Variants in DCC observed in about 807,000 individuals in gnomAD.
DCC encodes DCC netrin 1 receptor.
A neutral mutation model predicts 172.5 loss-of-function variants in DCC; 58 were observed. That is an observed-to-expected ratio of 0.34 (90% confidence interval 0.27 to 0.42). The LOEUF is 0.42. Among genes scored for constraint, DCC ranks in the 10% least tolerant of loss-of-function variants. DCC has a pLI of 1.00. For missense variants in DCC, 1,740 were observed against 1,791.0 expected, an observed-to-expected ratio of 0.97 and a Z score of 0.51; for synonymous variants, 709 against 644.5, an observed-to-expected ratio of 1.10 and a Z score of -1.52.
chr18:53,104,524 ACTT>A (rs560444142), intron 7 of DCC, among the ~76,000 whole-genome samples: 27 of 151,838 alleles, frequency 1.8e-4, no homozygotes, highest in African/African-American at 2.4e-4. Context: ...GTCCATTAAA[ACTT>A]CTTCTTCTTC....
chr18:53,490,585 C>G (rs935837855), intron 26 of DCC, among the ~76,000 whole-genome samples: 1 of 152,128 alleles, frequency 6.6e-6, no homozygotes, highest in African/African-American at 2.4e-5. Context: ...GTATTTGATT[C>G]TCACTCGATA....
chr18:52,583,017 T>G (rs985686593), intron 1 of DCC, among the ~76,000 whole-genome samples: 1 of 152,154 alleles, frequency 6.6e-6, no homozygotes, highest in East Asian at 1.9e-4. Context: ...GCAAAAATTA[T>G]AGAGTATCTG....
At chr18:52,951,224 A>G (rs1343479620) in intron 5 of DCC, among the ~76,000 whole-genome samples, 2 of 152,096 alleles carry the variant, frequency 1.3e-5, no homozygotes, top group Non-Finnish European at 2.9e-5. Flanking sequence ...CTAGTCCAGA[A>G]TTTCTGTTAC....
chr18:52,799,405 G>T (rs1341571471), intron 2 of DCC, among the ~76,000 whole-genome samples: 2 of 152,038 alleles, frequency 1.3e-5, no homozygotes, highest in Non-Finnish European at 2.9e-5. Flanking sequence ...ATTGCTCATG[G>T]GTATACATGT....
At chr18:53,203,893 T>A (rs1444852538) in intron 9 of DCC, among the ~76,000 whole-genome samples, 1 of 152,176 alleles carries the variant, frequency 6.6e-6, no homozygotes, top group East Asian at 1.9e-4. Context: ...ACAAGCTATA[T>A]ACAGGTCCAT....
chr18:52,434,805 C>T (rs772261004), intron 1 of DCC, among the ~76,000 whole-genome samples: 8 of 152,036 alleles, frequency 5.3e-5, no homozygotes, highest in Non-Finnish European at 1.0e-4. Context: ...AGTCACTGCC[C>T]CACACCTCCC....
At chr18:53,367,088 A>G (rs2058013819) in intron 15 of DCC, among the ~76,000 whole-genome samples, 1 of 152,210 alleles carries the variant, frequency 6.6e-6, no homozygotes, top group Admixed American at 6.5e-5. Context: ...TATTGCACAC[A>G]AGAATGGACA....
At chr18:52,864,967 G>A (rs1477647171) in intron 2 of DCC, among the ~76,000 whole-genome samples, 3 of 151,958 alleles carry the variant, frequency 2.0e-5, no homozygotes, top group Non-Finnish European at 4.4e-5. Flanking sequence ...CCAGGTTCAC[G>A]CCATTCTCCT....
chr18:53,194,417 C>G (rs2055413122), intron 9 of DCC, among the ~76,000 whole-genome samples: 1 of 151,748 alleles, frequency 6.6e-6, no homozygotes, highest in Non-Finnish European at 1.5e-5. Context: ...CTATCAGGGA[C>G]TCTGTTGGCC....
intron 1 of DCC, among the ~76,000 whole-genome samples, chr18:52,653,940 T>C (rs2035193984): frequency 6.6e-6 from 1 of 152,200 alleles, no homozygotes; most frequent in South Asian, 2.1e-4. Context: ...TATTTATTCT[T>C]TCTTGGTGAT....
At chr18:53,358,714 G>T (rs978986844) in intron 15 of DCC, among the ~76,000 whole-genome samples, 6 of 151,558 alleles carry the variant, frequency 4.0e-5, no homozygotes, top group African/African-American at 1.5e-4. Context: ...TAAAGATGAG[G>T]TTTCACCATG....
At chr18:52,362,544 C>G (rs1568133031) in intron 1 of DCC, among the ~76,000 whole-genome samples, 1 of 152,062 alleles carries the variant, frequency 6.6e-6, no homozygotes, top group Admixed American at 6.5e-5. Context: ...AATTTGAATG[C>G]TATAATAGAT....
rs76913392 is a variant in DCC at position 53,230,003 on chromosome 18, C to G, written c.1911+14406C>G. On this transcript the variant is annotated intron_variant, in intron 12 of 28. Transcript: ENST00000442544. ...ACCTGGCTATCTTGTTTTGCAAGCTCCTTTACATGAAGATGATTACAAAGA... is the reference window on the plus strand; with the variant it reads ...ACCTGGCTATCTTGTTTTGCAAGCTGCTTTACATGAAGATGATTACAAAGA... Among the ~76,000 whole-genome samples the G allele has an allele frequency of 5.7e-3, 872 of 152,146 alleles. 9 individuals are homozygous for G. The highest frequency in any genetic ancestry group is 0.02 in the African/African-American group (818 of 41,542).
chr18:53,114,611 T>G (rs1051104292), intron 7 of DCC, among the ~76,000 whole-genome samples: 6 of 151,532 alleles, frequency 4.0e-5, no homozygotes, highest in South Asian at 2.1e-4. Flanking sequence ...ACCAAGCCCA[T>G]GAGCCCACAA....
rs1023341823 is a variant in DCC at position 53,207,550 on chromosome 18, A to T, written c.1723-129A>T. On this transcript the variant is annotated intron_variant, in intron 10 of 28. Coordinates refer to ENST00000442544, the MANE Select transcript of DCC (RefSeq NM_005215.4). Reference sequence around the variant, plus strand: ...GAGTCTGTGTCACAAGGTAGGTTTTATAGCTCATTAGAAGGCTGGAGTGTA... The same window carrying T: ...GAGTCTGTGTCACAAGGTAGGTTTTTTAGCTCATTAGAAGGCTGGAGTGTA... 6.8e-6 allele frequency: 6 copies of T among 878,892 alleles called. No individual in the cohort carries two copies. The Admixed American group carries it at 1.2e-4, about 17-fold the overall frequency. 54.4% of individuals were successfully genotyped at this position (878,892 alleles called of 1,614,324 possible).
chr18:53,357,853 T>C (rs1392985184), intron 15 of DCC, among the ~76,000 whole-genome samples: 4 of 152,178 alleles, frequency 2.6e-5, no homozygotes, highest in African/African-American at 9.7e-5. Flanking sequence ...CATTGAAAAT[T>C]CATATTGTGT....
chr18:53,239,468 A>C (rs2056256454), intron 12 of DCC, among the ~76,000 whole-genome samples: 1 of 152,070 alleles, frequency 6.6e-6, no homozygotes, highest in Non-Finnish European at 1.5e-5. Flanking sequence ...AGCTCATGTC[A>C]CAAAAGGCCA....
At chr18:52,816,080 G>A (rs933496541) in intron 2 of DCC, among the ~76,000 whole-genome samples, 1 of 152,080 alleles carries the variant, frequency 6.6e-6, no homozygotes, top group African/African-American at 2.4e-5. Flanking sequence ...TATCTGTTTC[G>A]GAAACTTCTG....
At chr18:52,843,099 G>C (rs1264852848) in intron 2 of DCC, among the ~76,000 whole-genome samples, 1 of 152,188 alleles carries the variant, frequency 6.6e-6, no homozygotes, top group Non-Finnish European at 1.5e-5. Context: ...TGTATGGATA[G>C]TAAGATTTAG....
Sources: gnomAD v4.1 joint callset for allele counts (sites outside exome capture counted in the v4.1 genomes callset) on GRCh38, gnomAD v4.1.1 for gene constraint, MANE v1.5 for transcripts, NCBI Gene and HGNC (gene_info 2026-07-23, HGNC 2026-07-21) for gene names.